The following PIGU variants were observed in gnomAD, a reference collection of about 807,000 sequenced individuals.
PIGU encodes GPI-anchor transamidase component PIGU.
Under a neutral mutation model 49.9 loss-of-function variants are expected in PIGU, and 24 were observed. The ratio of observed to expected loss-of-function variants is 0.48; its 90% CI spans 0.35 to 0.68. PIGU has a LOEUF of 0.68. PIGU is among the 30% of genes least tolerant of loss of function. The probability of loss-of-function intolerance (pLI) is 0.01; values close to 1 mark genes in which losing one functional copy is unlikely to be tolerated. For missense variants in PIGU, 490 were observed against 532.6 expected (o/e 0.92, Z 0.79); for synonymous variants, 220 against 205.7 (o/e 1.07, Z -0.59).
intron 6 of PIGU, among the ~76,000 whole-genome samples, chr20:34,623,459 T>G (rs1985326042): frequency 6.6e-6 from 1 of 152,234 alleles, no homozygotes; most frequent in Admixed American, 6.5e-5. Context: ...CCATTTAGTC[T>G]TCTCAATAAT....
chr20:34,652,897 G>A (rs774520742), intron 2 of PIGU, among the ~76,000 whole-genome samples: 4 of 151,304 alleles, frequency 2.6e-5, no homozygotes, highest in East Asian at 1.9e-4. Flanking sequence ...CAAATGTTCC[G>A]TGTACATTTG....
At chr20:34,624,808 C>T (rs1568645312) in intron 6 of PIGU, among the ~76,000 whole-genome samples, 1 of 152,160 alleles carries the variant, frequency 6.6e-6, no homozygotes, top group Non-Finnish European at 1.5e-5. Context: ...ACAATAAGGA[C>T]ATCACAATAC....
chr20:34,645,145 G>C, intron 3 of PIGU, 130 bp downstream of exon 3: 11 of 1,032,362 alleles, frequency 1.1e-5, no homozygotes, highest in Non-Finnish European at 1.4e-5. Flanking sequence ...CTTAAGTCCA[G>C]GAGTCCAAGA....
intron 11 of PIGU, among the ~76,000 whole-genome samples, chr20:34,573,800 G>A (rs1983111586): frequency 6.6e-6 from 1 of 152,262 alleles, no homozygotes. Flanking sequence ...CAGTGTGAGA[G>A]ACAGAACAGG....
At chr20:34,648,385 T>C (rs1986423989) in intron 2 of PIGU, among the ~76,000 whole-genome samples, 1 of 152,200 alleles carries the variant, frequency 6.6e-6, no homozygotes, top group Non-Finnish European at 1.5e-5. Flanking sequence ...TTTATCATTA[T>C]AAAATAATCC....
chr20:34,584,981 C>A (rs1983639903), intron 9 of PIGU, among the ~76,000 whole-genome samples: 1 of 152,212 alleles, frequency 6.6e-6, no homozygotes, highest in Non-Finnish European at 1.5e-5. Flanking sequence ...AGCCACTGCA[C>A]CCAGGCAGCC....
chr20:34,664,793 T>C (rs1196011894), intron 1 of PIGU, among the ~76,000 whole-genome samples: 1 of 151,932 alleles, frequency 6.6e-6, no homozygotes, highest in Admixed American at 6.6e-5. Flanking sequence ...AATTCGAGAC[T>C]GGCCTGGAAA....
intron 11 of PIGU, among the ~76,000 whole-genome samples, chr20:34,569,734 G>A (rs1982926996): frequency 1.3e-5 from 2 of 152,212 alleles, no homozygotes; most frequent in Non-Finnish European, 2.9e-5. Flanking sequence ...AGGTCAGGGT[G>A]TACAGAAATG....
chr20:34,668,485 G>GAAAAAAAA (rs1383786806), intron 1 of PIGU, among the ~76,000 whole-genome samples: 26 of 98,784 alleles, frequency 2.6e-4, no homozygotes, highest in African/African-American at 1.1e-3. Context: ...AAAAAAAAAG[G>GAAAAAAAA]GGGGGGCGGG....
intron 6 of PIGU, among the ~76,000 whole-genome samples, chr20:34,620,675 G>C (rs895019770): frequency 1.3e-5 from 2 of 151,894 alleles, no homozygotes; most frequent in Admixed American, 6.6e-5. Flanking sequence ...GCCGGGCATG[G>C]TGGTGGGAGC....
intron 11 of PIGU, 48 bp downstream of exon 11, chr20:34,575,056 C>CA: frequency 6.2e-7 from 1 of 1,604,278 alleles, no homozygotes; most frequent in Non-Finnish European, 8.5e-7. Context: ...CTTGAGGCTG[C>CA]AAAATGAATT....
Position 34,575,133 on chromosome 20 carries a change from C to A in PIGU, c.1165G>T (p.Ala389Ser). The A allele has an allele frequency of 1.2e-6, 2 of 1,614,134 alleles. No individual in the cohort carries two copies. The highest frequency in any genetic ancestry group is 1.7e-6 in the Non-Finnish European group (2 of 1,180,026). ...CCAACGTTGAAGGTCAGTGTGATGG[C>A]ATAAAAGAAATTAGAGTTGGCACTT... ...AGSANSNFFY[A>S]ITLTFNVGQI... is the part of the protein sequence containing the mutation. Residue 389 changes from alanine (A) to serine (S), a missense_variant, in exon 11 of 12, where the codon GCC (alanine) becomes TCC (serine). Ala to Ser is a moderately conservative substitution (Grantham distance 99, BLOSUM62 1). Transcript: ENST00000217446.
chr20:34,608,954 G>T (rs1286009079), intron 7 of PIGU, among the ~76,000 whole-genome samples: 1 of 152,090 alleles, frequency 6.6e-6, no homozygotes, highest in Non-Finnish European at 1.5e-5. Context: ...ACTCTAAAGG[G>T]TCCACTTAGT....
chr20:34,646,100 C>G (rs962632497), intron 2 of PIGU, among the ~76,000 whole-genome samples: 1 of 151,964 alleles, frequency 6.6e-6, no homozygotes, highest in African/African-American at 2.4e-5. Flanking sequence ...TTTCTTGAGA[C>G]TAGTTCAGAA....
At chr20:34,641,914 A>G (rs1986175742) in intron 4 of PIGU, among the ~76,000 whole-genome samples, 2 of 152,326 alleles carry the variant, frequency 1.3e-5, no homozygotes, top group Non-Finnish European at 2.9e-5. Flanking sequence ...GAACTCTAAA[A>G]GTGGAAAAAC....
At chr20:34,561,998 C>T (rs1484514897) in intron 11 of PIGU, among the ~76,000 whole-genome samples, 1 of 152,220 alleles carries the variant, frequency 6.6e-6, no homozygotes, top group African/African-American at 2.4e-5. Flanking sequence ...TCGAATGGTT[C>T]TGTCACTATG....
At chr20:34,594,412 A>G (rs1297141027) in intron 7 of PIGU, among the ~76,000 whole-genome samples, 1 of 152,232 alleles carries the variant, frequency 6.6e-6, no homozygotes, top group African/African-American at 2.4e-5. Context: ...TTAAAAAAGA[A>G]TGAGGACAAT....
intron 6 of PIGU, among the ~76,000 whole-genome samples, chr20:34,619,330 AG>A (rs1480843899): frequency 1.3e-5 from 2 of 152,198 alleles, no homozygotes; most frequent in Admixed American, 1.3e-4. Context: ...ACTCTGGGAT[AG>A]GGCAGTGGCA....
chr20:34,602,962 T>C (rs1984482525), intron 7 of PIGU, among the ~76,000 whole-genome samples: 1 of 152,186 alleles, frequency 6.6e-6, no homozygotes, highest in East Asian at 1.9e-4. Context: ...TCTTGCCTAT[T>C]TTTAAAATTT....
Sources: allele counts gnomAD v4.1 joint callset (sites outside exome capture counted in the v4.1 genomes callset), GRCh38; gene constraint gnomAD v4.1.1; transcripts MANE v1.5; gene names NCBI Gene and HGNC (gene_info 2026-07-23, HGNC 2026-07-21).